Variants in KIAA1671 observed in about 807,000 individuals in gnomAD.
The protein encoded by KIAA1671 is KIAA1671.
A neutral mutation model predicts 131.2 loss-of-function variants in KIAA1671; 52 were observed. The observed-to-expected ratio is 0.40, with a 90% CI of 0.32 to 0.50. The LOEUF (loss-of-function observed/expected upper bound fraction) is 0.50, where lower values mean the gene tolerates loss of function less well. KIAA1671 is among the 20% of genes least tolerant of loss of function. KIAA1671 has a pLI of 0.73. For synonymous variants in KIAA1671, 1,003 were observed against 961.6 expected, an observed-to-expected ratio of 1.04 and a Z score of -0.80; for missense variants, 2,360 against 2,364.2, an observed-to-expected ratio of 1.00 and a Z score of 0.04.
intron 1 of KIAA1671, among the ~76,000 whole-genome samples, chr22:25,002,567 C>T (rs1393921450): frequency 1.3e-5 from 2 of 152,204 alleles, no homozygotes; most frequent in East Asian, 1.9e-4. Flanking sequence ...AAGCCTTTAG[C>T]CAGAAAAACT....
chr22:25,087,754 C>T (rs988796039), intron 6 of KIAA1671, among the ~76,000 whole-genome samples: 10 of 152,178 alleles, frequency 6.6e-5, no homozygotes, highest in Non-Finnish European at 1.5e-4. Flanking sequence ...CATTCAGGAG[C>T]TTTGGCGGGT....
intron 6 of KIAA1671, among the ~76,000 whole-genome samples, chr22:25,165,950 G>A (rs1037851667): frequency 1.3e-5 from 2 of 152,126 alleles, no homozygotes; most frequent in Non-Finnish European, 2.9e-5. Flanking sequence ...ACCAGGCCCC[G>A]CACCCATGCA....
At chr22:25,080,214 G>A (rs888820259) in intron 6 of KIAA1671, among the ~76,000 whole-genome samples, 31 of 152,140 alleles carry the variant, frequency 2.0e-4, no homozygotes, top group African/African-American at 5.6e-4. Context: ...GTCAGCATAC[G>A]TTCTCCACCT....
intron 1 of KIAA1671, among the ~76,000 whole-genome samples, chr22:24,953,149 G>C (rs991637230): frequency 6.6e-6 from 1 of 152,186 alleles, no homozygotes; most frequent in Non-Finnish European, 1.5e-5. Flanking sequence ...TGGATCCCCA[G>C]TCAGGGGTGA....
intron 6 of KIAA1671, among the ~76,000 whole-genome samples, chr22:25,157,670 T>TTCTGTGCCCCTCCCC (rs2030882244): frequency 2.0e-5 from 3 of 152,144 alleles, no homozygotes; most frequent in Admixed American, 1.3e-4. Context: ...TTCTAGAATG[T>TTCTGTGCCCCTCCCC]TCTGTGCCCC....
intron 1 of KIAA1671, among the ~76,000 whole-genome samples, chr22:24,956,020 G>A (rs1165832178): frequency 3.0e-5 from 4 of 134,324 alleles, no homozygotes; most frequent in Admixed American, 7.9e-5. Flanking sequence ...GTGAGACTCC[G>A]TCTCAAAAAA....
intron 1 of KIAA1671, among the ~76,000 whole-genome samples, chr22:24,965,745 AAAAAAAAAAAAAAAAAG>A (rs1175432322): frequency 6.6e-6 from 1 of 151,230 alleles, no homozygotes; most frequent in Non-Finnish European, 1.5e-5. Context: ...CATCTCAAAA[AAAAAAAAAAAAAAAAAG>A]AAAAGGATGA....
chr22:25,054,069 C>G (rs9608357), intron 6 of KIAA1671: 1 of 146,194 alleles, frequency 6.8e-6, no homozygotes, highest in Non-Finnish European at 1.5e-5. Context: ...ATTAGACTGG[C>G]GTGGTGTTGC....
intron 6 of KIAA1671, among the ~76,000 whole-genome samples, chr22:25,140,675 G>A (rs5760874): frequency 0.1 from 15,227 of 152,272 alleles, 834 homozygotes; most frequent in East Asian, 0.16. Flanking sequence ...CATGCAGTGA[G>A]CCGTGAGGGT....
intron 6 of KIAA1671, among the ~76,000 whole-genome samples, chr22:25,075,129 C>T (rs575814999): frequency 6.6e-6 from 1 of 152,202 alleles, no homozygotes; most frequent in South Asian, 2.1e-4. Context: ...GACTAAATTC[C>T]AGTGGGGGTG....
chr22:25,179,329 G>T lies in KIAA1671; in HGVS notation c.5074+1807G>T. On this transcript the variant is annotated intron_variant, in intron 9 of 12. Coordinates refer to ENST00000358431, the MANE Select transcript of KIAA1671 (RefSeq NM_001145206.2). ...GGCCCTTAGCCCGACATCTCCTCTC[G>T]CTGCTCCTTGTTCCTGCGCACCTCG... 6.9e-6 allele frequency: 11 copies of T among 1,589,936 alleles called. No homozygotes were observed. In the South Asian group the frequency reaches 1.1e-4, roughly 16 times the overall value.
At chr22:25,141,913 G>T (rs1393097661) in intron 6 of KIAA1671, among the ~76,000 whole-genome samples, 2 of 152,168 alleles carry the variant, frequency 1.3e-5, no homozygotes, top group Non-Finnish European at 2.9e-5. Flanking sequence ...CCGTGACCTT[G>T]GTCAAGCTCC....
chr22:25,135,319 G>C (rs1250868909), intron 6 of KIAA1671, among the ~76,000 whole-genome samples: 3 of 152,174 alleles, frequency 2.0e-5, no homozygotes, highest in Non-Finnish European at 4.4e-5. Flanking sequence ...CCGAGTAGCT[G>C]GGACTACAGG....
intron 1 of KIAA1671, among the ~76,000 whole-genome samples, chr22:24,964,714 T>G (rs935262538): frequency 1.2e-4 from 18 of 152,196 alleles, no homozygotes; most frequent in Admixed American, 9.8e-4. Flanking sequence ...TGAGCCACCA[T>G]GCCCTACCCC....
Position 25,008,483 on chromosome 22 carries a change from C to T in KIAA1671, c.-207-17150C>T, listed in dbSNP as rs538767027. Among the ~76,000 whole-genome samples, 8 of 152,166 alleles carry T rather than the reference C, an allele frequency of 5.3e-5. No individual in the cohort carries two copies. The South Asian group carries it at 1.0e-3, about 20-fold the overall frequency. On this transcript the variant is annotated intron_variant, in intron 1 of 12. Transcript: ENST00000358431. ...TGCATGTAGAGCCTTTGGCATGTCA[C>T]CCAGCACTTGGGTAGCACTTAATAA...
chr22:25,137,893 C>T (rs1030528942), intron 6 of KIAA1671, among the ~76,000 whole-genome samples: 3 of 152,220 alleles, frequency 2.0e-5, no homozygotes, highest in African/African-American at 7.2e-5. Context: ...CCTAACATGT[C>T]ACACAGTCAA....
At chr22:25,177,100 G>A in intron 8 of KIAA1671, 2 of 457,456 alleles carry the variant, frequency 4.4e-6, no homozygotes, top group Non-Finnish European at 3.9e-6. Flanking sequence ...AGGAAGCCAG[G>A]CACTGTACTA....
chr22:25,028,237 C>A lies in KIAA1671; in HGVS notation c.238C>A (p.Pro80Thr), dbSNP rs1453870140. 2 of 1,551,512 alleles carry A rather than the reference C, an allele frequency of 1.3e-6. No homozygotes were observed. Among genetic ancestry groups the A allele is most frequent in the African/African-American group, 2.7e-5 (2 of 73,072 alleles). ...PFSKEQDVKS[P>T]VPSLRPSSTG... ...CTCGAAGGAGCAGGACGTGAAATCT[C>A]CTGTCCCGTCTCTGCGGCCCAGTTC... Residue 80 changes from proline to threonine, a missense_variant, in exon 3 of 13, where the codon CCT (proline) becomes ACT (threonine). Transcript: ENST00000358431.
At chr22:25,131,349 G>A (rs540240019) in intron 6 of KIAA1671, among the ~76,000 whole-genome samples, 1 of 152,194 alleles carries the variant, frequency 6.6e-6, no homozygotes, top group Admixed American at 6.5e-5. Flanking sequence ...CAAAGTGCCC[G>A]GCACGTGCCT....
Sources: allele counts gnomAD v4.1 joint callset (sites outside exome capture counted in the v4.1 genomes callset), GRCh38; gene constraint gnomAD v4.1.1; transcripts MANE v1.5; gene names NCBI Gene and HGNC (gene_info 2026-07-23, HGNC 2026-07-21).